The following POLD3 variants were observed in gnomAD, a reference collection of about 807,000 sequenced individuals.
The protein encoded by POLD3 is DNA polymerase delta 3, accessory subunit, also known as DNA polymerase delta subunit 3.
POLD3 carries 19 observed loss-of-function variants against 58.2 expected under a neutral mutation model. That is an observed-to-expected ratio of 0.33 (90% confidence interval 0.23 to 0.48). POLD3 has a LOEUF of 0.48. Among genes scored for constraint, POLD3 ranks in the 20% least tolerant of loss-of-function variants. The pLI, the probability that POLD3 is intolerant of heterozygous loss-of-function variation, is 0.99. For missense variants in POLD3, 504 were observed against 545.5 expected, an observed-to-expected ratio of 0.92 and a Z score of 0.76; for synonymous variants, 172 against 193.5, an observed-to-expected ratio of 0.89 and a Z score of 0.92.
intron 3 of POLD3, among the ~76,000 whole-genome samples, chr11:74,608,952 T>C (rs774783618): frequency 1.3e-5 from 2 of 152,200 alleles, no homozygotes. Context: ...AAACTTATGG[T>C]TACACTTTTT....
intron 9 of POLD3, 69 bp from the exon 10 acceptor site, chr11:74,634,514 C>T: frequency 1.2e-6 from 1 of 853,060 alleles, no homozygotes; most frequent in Non-Finnish European, 2.0e-6. Flanking sequence ...ATTTAGAGAA[C>T]CAATGGAGAA....
chr11:74,593,230 C>T (rs1049127802), intron 1 of POLD3, among the ~76,000 whole-genome samples: 1 of 152,140 alleles, frequency 6.6e-6, no homozygotes, highest in Non-Finnish European at 1.5e-5. Context: ...CTTTGCAAAC[C>T]GTGATGATTG....
At chr11:74,640,144 T>C (rs974039934) in intron 11 of POLD3, among the ~76,000 whole-genome samples, 3 of 152,074 alleles carry the variant, frequency 2.0e-5, no homozygotes, top group African/African-American at 7.2e-5. Flanking sequence ...AGGCAGGCAT[T>C]GTAGGTCAGA....
intron 4 of POLD3, among the ~76,000 whole-genome samples, chr11:74,654,094 A>T (rs12421418): frequency 2.6e-5 from 4 of 152,042 alleles, no homozygotes; most frequent in South Asian, 2.1e-4. Context: ...TGATCCCCCC[A>T]GATGACTCAA....
At chr11:74,593,957 G>C (rs1200672186) in intron 1 of POLD3, 104 bp from the exon 2 acceptor site, 5 of 674,020 alleles carry the variant, frequency 7.4e-6, no homozygotes, top group African/African-American at 1.8e-5. Flanking sequence ...AATTTGTAAG[G>C]CATAATCATC....
At chr11:74,604,549 TCCA>T in intron 2 of POLD3, 140 bp from the exon 3 acceptor site, 1 of 604,060 alleles carries the variant, frequency 1.7e-6, no homozygotes. Flanking sequence ...TTTTCAACTG[TCCA>T]TAGGCCAAGC....
In POLD3 at chr11:74,651,286, G is replaced by A. The variant is rs193074828; in HGVS notation, c.369+15011G>A. Among the ~76,000 whole-genome samples, 418 of 152,286 alleles carry A rather than the reference G, an allele frequency of 2.7e-3. 1 individual carries two copies. The highest frequency in any genetic ancestry group is 0.014 in the Middle Eastern group (4 of 294). ...CTACTCACTGGCCATGTGATCCTGG[G>A]AAAGTCATTCTCTTCTCTGGGCTTC... On this transcript the variant is annotated intron_variant, in intron 4 of 4. Coordinates refer to the POLD3 transcript ENST00000524752.
intron 4 of POLD3, among the ~76,000 whole-genome samples, chr11:74,666,995 A>T (rs2033277659): frequency 6.6e-6 from 1 of 151,844 alleles, no homozygotes; most frequent in Non-Finnish European, 1.5e-5. Context: ...GGACACCTGG[A>T]GCATCAATGG....
intron 4 of POLD3, among the ~76,000 whole-genome samples, chr11:74,665,023 C>G (rs2033249026): frequency 6.6e-6 from 1 of 151,828 alleles, no homozygotes; most frequent in African/African-American, 2.4e-5. Flanking sequence ...TTGCTTGATC[C>G]CAGGAGACAG....
downstream of POLD3, among the ~76,000 whole-genome samples, chr11:74,644,144 T>C (rs2032970819): frequency 1.3e-5 from 2 of 152,354 alleles, no homozygotes; most frequent in African/African-American, 4.8e-5. Context: ...TATCTTTGTT[T>C]CTTTAAGAAG....
intron 11 of POLD3, among the ~76,000 whole-genome samples, chr11:74,637,695 T>C (rs1006515355): frequency 1.3e-5 from 2 of 152,076 alleles, no homozygotes; most frequent in East Asian, 1.9e-4. Flanking sequence ...GTTTAAAATA[T>C]AGTACTCGAG....
chr11:74,635,457 A>T (rs1173847080), intron 10 of POLD3, among the ~76,000 whole-genome samples: 2 of 152,202 alleles, frequency 1.3e-5, no homozygotes, highest in Non-Finnish European at 2.9e-5. Context: ...TGGAAGGCTG[A>T]GGTGGGCAGA....
chr11:74,637,551 A>AT (rs1364334012), intron 11 of POLD3, among the ~76,000 whole-genome samples: 1 of 148,890 alleles, frequency 6.7e-6, no homozygotes, highest in Non-Finnish European at 1.5e-5. Flanking sequence ...TCAACAGTGC[A>AT]TTTTTTAAAT....
At chr11:74,598,048 CAG>C (rs2031340353) in intron 2 of POLD3, among the ~76,000 whole-genome samples, 1 of 151,488 alleles carries the variant, frequency 6.6e-6, no homozygotes, top group Non-Finnish European at 1.5e-5. Flanking sequence ...ACCTGGGTGA[CAG>C]AGCAAGAACC....
At chr11:74,654,831 G>A (rs1441892277) in intron 4 of POLD3, among the ~76,000 whole-genome samples, 2 of 89,058 alleles carry the variant, frequency 2.2e-5, no homozygotes, top group South Asian at 4.2e-4. Context: ...TCTCAGTGAC[G>A]AACTAACAAA....
At chr11:74,600,200 T>G (rs1022107198) in intron 2 of POLD3, among the ~76,000 whole-genome samples, 4 of 152,146 alleles carry the variant, frequency 2.6e-5, no homozygotes, top group African/African-American at 9.7e-5. Flanking sequence ...TGCCTCGGCC[T>G]CCTAACATGC....
At chr11:74,617,132 C>A (rs115250724) in intron 5 of POLD3, among the ~76,000 whole-genome samples, 257 of 144,620 alleles carry the variant, frequency 1.8e-3, no homozygotes, top group African/African-American at 6.5e-3. Context: ...GCTTTAAGTA[C>A]AATCCTTTGA....
In POLD3 at chr11:74,620,013, G is replaced by A; in HGVS notation, c.661-4G>A. ...AAAATCATATGTGTTTTCTGTGCTT[G>A]TAGGCATCTGCAGCAGGCAACAAGG... On this transcript the variant is annotated splice_region_variant and splice_polypyrimidine_tract_variant and intron_variant, in intron 6 of 11. Coordinates refer to ENST00000263681, the MANE Select transcript of POLD3 (RefSeq NM_006591.3). 1.2e-6 allele frequency: 2 copies of A among 1,612,828 alleles called. No homozygotes were observed. The highest frequency in any genetic ancestry group is 1.1e-5 in the South Asian group (1 of 91,056).
chr11:74,630,290 C>T lies in POLD3; in HGVS notation c.1006+967C>T, dbSNP rs1441346073. 2.7e-5 allele frequency among the ~76,000 whole-genome samples: 4 copies of T among 150,204 alleles called. 1 individual carries two copies. In the South Asian group the frequency reaches 6.3e-4, roughly 24 times the overall value. Reference sequence around the variant, plus strand: ...AATTGAAAATGGTAAGAGAGGCTTCCGAAAAAAGGATATTAGCTCAACTAT... The same window carrying T: ...AATTGAAAATGGTAAGAGAGGCTTCTGAAAAAAGGATATTAGCTCAACTAT... On this transcript the variant is annotated intron_variant, in intron 9 of 11. Transcript: ENST00000263681.
Sources: gnomAD v4.1 joint callset for allele counts (sites outside exome capture counted in the v4.1 genomes callset) on GRCh38, gnomAD v4.1.1 for gene constraint, MANE v1.5 for transcripts, NCBI Gene and HGNC (gene_info 2026-07-23, HGNC 2026-07-21) for gene names.